MYEOV: variants seen among roughly 807,000 people sequenced by gnomAD.
The protein encoded by MYEOV is myeloma overexpressed, also known as myeloma-overexpressed gene protein.
MYEOV carries 4 observed loss-of-function variants against 4.5 expected under a neutral mutation model. That is an observed-to-expected ratio of 0.89 (90% CI 0.44 to 2.03). The LOEUF is 2.03. Among genes scored for constraint, MYEOV ranks in the 30% most tolerant of loss-of-function variants. The pLI, the probability that MYEOV is intolerant of heterozygous loss-of-function variation, is 0.03. For synonymous variants in MYEOV, 184 were observed against 170.3 expected, an observed-to-expected ratio of 1.08 and a Z score of -0.63; for missense variants, 408 against 412.8, an observed-to-expected ratio of 0.99 and a Z score of 0.10.
chr11:69,296,512 C>A lies in MYEOV; in HGVS notation c.*120C>A. 2 of 664,874 alleles carry A rather than the reference C, an allele frequency of 3.0e-6. No homozygotes were observed. The highest frequency in any genetic ancestry group is 3.2e-4 in the Middle Eastern group (1 of 3,158). 41.2% of individuals were successfully genotyped at this position (664,874 alleles called of 1,614,324 possible). ...ATGAGGAAACTGAGGCCTAGAGAAG[C>A]TCAACAAGTTGCCTAAGTTCCAAGT... On this transcript the variant is annotated 3_prime_UTR_variant, in exon 3 of 3. Transcript: ENST00000441339.
In MYEOV at chr11:69,295,685, C is replaced by A; in HGVS notation, c.235C>A (p.Arg79Ser). 1 of 1,614,152 alleles carries A rather than the reference C, an allele frequency of 6.2e-7. No homozygotes were observed. The highest frequency in any genetic ancestry group is 8.5e-7 in the Non-Finnish European group (1 of 1,180,034). The change falls in exon 3 of 3, where the codon CGC (arginine) becomes AGC (serine). Residue 79 changes from arginine to serine, a missense_variant. Physicochemically the swap from Arg to Ser is moderately radical, Grantham distance 110. Transcript: ENST00000441339. This position sits in a 1 kb window ranked among gnomAD's most constrained non-coding sequence, Gnocchi z 4.1. ...EGSKAGRSRGRLCLSQALRVA... is the reference protein window; with the variant it reads ...EGSKAGRSRGSLCLSQALRVA... ...CTCCAAAGCCGGCAGATCCCGGGGC[C>A]GCCTCTGTCTCTCCCAGGCCCTGCG... is the stretch of plus-strand genomic sequence containing the variant.
chr11:69,294,163 C>A lies in MYEOV; in HGVS notation c.-536C>A, dbSNP rs1393619807. On this transcript the variant is annotated 5_prime_UTR_variant, in exon 1 of 3. Coordinates refer to ENST00000441339, the MANE Select transcript of MYEOV (RefSeq NM_001293291.2). The stretch of plus-strand genomic sequence containing the variant: ...CTTGCCTTGATTCTCCTGTTACTGT[C>A]CCGCGAACCCACATCCCTACAAAGC... 1 of 144,452 alleles carries A rather than the reference C, an allele frequency of 6.9e-6. No individual in the cohort carries two copies. The highest frequency in any genetic ancestry group is 1.5e-5 in the Non-Finnish European group (1 of 65,304). 8.9% of individuals were successfully genotyped at this position (144,452 alleles called of 1,614,324 possible).
rs1392934605 is a variant in MYEOV, at chr11:69,295,758, C to G, written c.308C>G (p.Ala103Gly). ...AFVSLWFAAG[A>G]GDRERNKGDK... ...GTGTCTCTGTGGTTTGCTGCTGGAG[C>G]TGGTGACCGGGAGAGAAACAAGGGA... The change falls in exon 3 of 3, where the codon GCT (alanine) becomes GGT (glycine). Residue 103 changes from alanine (A) to glycine (G), a missense_variant. Ala to Gly is a moderately conservative substitution (Grantham distance 60). Transcript: ENST00000441339. This position sits in a 1 kb window ranked among gnomAD's most constrained non-coding sequence, Gnocchi z 4.1. 6 of 1,614,124 alleles carry G rather than the reference C, an allele frequency of 3.7e-6. No individual in the cohort carries two copies. The highest frequency in any genetic ancestry group is 3.3e-5 in the South Asian group (3 of 91,066).
At position 69,295,255 on chromosome 11, in the gene MYEOV, T is replaced by C. The variant is rs1352281044; in HGVS notation, c.-100T>C. ...CAGAGTCCATTCAGGAGCAGGAAAG[T>C]TCATCTCAGACCCTAAATCCAGCCA... is the stretch of plus-strand genomic sequence containing the variant. On this transcript the variant is annotated 5_prime_UTR_variant, in exon 2 of 3. Transcript: ENST00000441339. The surrounding 1 kb of genome is among the most constrained non-coding windows in gnomAD (Gnocchi z 4.1). 2 of 1,477,284 alleles carry C rather than the reference T, an allele frequency of 1.4e-6. No homozygotes were observed. Among genetic ancestry groups the C allele is most frequent in the African/African-American group, 2.8e-5 (2 of 71,196 alleles). 91.5% of individuals were successfully genotyped at this position (1,477,284 alleles called of 1,614,324 possible).
chr11:69,296,192 T>A lies in MYEOV; in HGVS notation c.742T>A (p.Ser248Thr), dbSNP rs1408247504. Residue 248 changes from serine (S) to threonine (T), a missense_variant, in exon 3 of 3, where the codon TCC becomes ACC. Ser to Thr is a moderately conservative substitution (Grantham distance 58). Transcript: ENST00000441339. ...CCACCGGCACCCCACCCCTCACTGC[T>A]CCACCTGGGGCCTGCCTCTGCGGGT... is the stretch of plus-strand genomic sequence containing the variant. ...TLHRHPTPHCSTWGLPLRVAG... is the reference protein window; with the variant it reads ...TLHRHPTPHCTTWGLPLRVAG... 1 of 1,613,458 alleles carries A rather than the reference T, an allele frequency of 6.2e-7. No homozygotes were observed. Among genetic ancestry groups the A allele is most frequent in the South Asian group, 1.1e-5 (1 of 91,014 alleles).
rs757103824 is a variant in MYEOV at position 69,295,511 on chromosome 11, T to C, written c.141+16T>C. 6.2e-7 allele frequency: 1 copy of C among 1,614,056 alleles called. No individual in the cohort carries two copies. Among genetic ancestry groups the C allele is most frequent in the Non-Finnish European group, 8.5e-7 (1 of 1,179,944 alleles). ...CCTCCACCAGGTGCCGACACTTCCC[T>C]GACCCCAGTAACCTCTTCTCTTGGG... is the stretch of plus-strand genomic sequence containing the variant. On this transcript the variant is annotated intron_variant, in intron 2 of 2. Coordinates refer to ENST00000441339, the MANE Select transcript of MYEOV (RefSeq NM_001293291.2). The surrounding 1 kb of genome is among the most constrained non-coding windows in gnomAD (Gnocchi z 4.1).
rs375670182 is a variant in MYEOV, at chr11:69,295,469, T to C, written c.115T>C (p.Ser39Pro). ...PSWCHCLRGV[S>P]FLTFHLHQSV... ...CTGGTGTCATTGTCTCCGTGGTGTG[T>C]CCTTCCTGACCTTCCACCTCCACCA... Residue 39 changes from serine to proline, a missense_variant, in exon 2 of 3, where the codon TCC becomes CCC. By Grantham distance (74) the Ser-to-Pro change is moderately conservative. Transcript: ENST00000441339. This position sits in a 1 kb window ranked among gnomAD's most constrained non-coding sequence, Gnocchi z 4.1. The C allele has an allele frequency of 2.5e-6, 4 of 1,614,176 alleles. No homozygotes were observed. The highest frequency in any genetic ancestry group is 3.4e-6 in the Non-Finnish European group (4 of 1,180,020).
Position 69,295,556 on chromosome 11 carries a change from G to A in MYEOV, c.142-36G>A, listed in dbSNP as rs1855159053. The A allele has an allele frequency of 6.2e-7, 1 of 1,612,584 alleles. No individual in the cohort carries two copies. The highest frequency in any genetic ancestry group is 8.5e-7 in the Non-Finnish European group (1 of 1,179,084). ...CTTGGGTGGGTGAATGCCACCTGCT[G>A]ATGTCTGATTTATTCATCGGTTTTC... On this transcript the variant is annotated intron_variant, in intron 2 of 2. Coordinates refer to ENST00000441339, the MANE Select transcript of MYEOV (RefSeq NM_001293291.2). This position sits in a 1 kb window ranked among gnomAD's most constrained non-coding sequence, Gnocchi z 4.1.
At position 69,295,845 on chromosome 11, in the gene MYEOV, G is replaced by A. The variant is rs758378495; in HGVS notation, c.395G>A (p.Arg132Gln). 4.8e-5 allele frequency: 78 copies of A among 1,614,040 alleles called. No homozygotes were observed. The highest frequency in any genetic ancestry group is 6.1e-5 in the Non-Finnish European group (72 of 1,180,036). The stretch of plus-strand genomic sequence containing the variant: ...GAGGCAGAAGACGTGGACGTGTCCC[G>A]GGCCAGGAGGGTCACAGATGCACCA... ...SQEAEDVDVS[R>Q]ARRVTDAPQG... Residue 132 changes from arginine to glutamine, a missense_variant, in exon 3 of 3, where the codon CGG (arginine) becomes CAG (glutamine). By Grantham distance (43) the Arg-to-Gln change is conservative. Coordinates refer to ENST00000441339, the MANE Select transcript of MYEOV (RefSeq NM_001293291.2). This position sits in a 1 kb window ranked among gnomAD's most constrained non-coding sequence, Gnocchi z 4.1.
In MYEOV at chr11:69,296,242, G is replaced by A; in HGVS notation, c.792G>A (p.Val264=). The change falls in exon 3 of 3, where the codon GTG becomes GTA. Residue 264 remains valine (V), a synonymous_variant. Coordinates refer to ENST00000441339, the MANE Select transcript of MYEOV (RefSeq NM_001293291.2). ...LRVAGSWLTV[V]TVEALGGWRM... is the part of the protein sequence containing the mutation. Reference sequence around the variant, plus strand: ...TGGCTGGGTCCTGGCTGACTGTTGTGACTGTTGAGGCCCTGGGGGGGTGGC... The same window carrying A: ...TGGCTGGGTCCTGGCTGACTGTTGTAACTGTTGAGGCCCTGGGGGGGTGGC... The A allele has an allele frequency of 6.2e-7, 1 of 1,602,474 alleles. No individual in the cohort carries two copies. The highest frequency in any genetic ancestry group is 1.3e-5 in the African/African-American group (1 of 74,910).
chr11:69,294,352 C>T lies in MYEOV; in HGVS notation c.-347C>T, dbSNP rs1285924551. The stretch of plus-strand genomic sequence containing the variant: ...CTTTCACCAGCCATATTAGCTCCCA[C>T]TCACCCCCCGTCGTGGAAGCCTCGG... On this transcript the variant is annotated 5_prime_UTR_variant, in exon 1 of 3. Coordinates refer to ENST00000441339, the MANE Select transcript of MYEOV (RefSeq NM_001293291.2). 1 of 152,304 alleles carries T rather than the reference C, an allele frequency of 6.6e-6. No individual in the cohort carries two copies. Among genetic ancestry groups the T allele is most frequent in the East Asian group, 1.9e-4 (1 of 5,170 alleles). The allele number at this position is 152,304 out of a possible 1,614,324, so 9.4% of individuals were successfully genotyped here. A position where few individuals can be genotyped will look rare whatever the true frequency, so the allele number is the denominator to read the frequency against.
Position 69,296,300 on chromosome 11 carries a change from C to A in MYEOV, c.850C>A (p.Pro284Thr), listed in dbSNP as rs12274095. Residue 284 changes from proline (P) to threonine (T), a missense_variant, in exon 3 of 3, where the codon CCC (proline) becomes ACC (threonine). Pro to Thr is a conservative substitution (Grantham distance 38, BLOSUM62 -1). Transcript: ENST00000441339. ...MGVRRTGQVG[P>T]TMHPPPVSGA... ...AGTTAGGAGGACTGGCCAGGTGGGG[C>A]CCACTATGCACCCACCCCCAGTGTC... The A allele has an allele frequency of 0.057, 88,840 of 1,546,102 alleles. 3,055 individuals carry two copies. Among genetic ancestry groups the A allele is most frequent in the Middle Eastern group, 0.14 (789 of 5,686 alleles).
In MYEOV at chr11:69,295,538, G is replaced by A. The variant is rs1855158557; in HGVS notation, c.141+43G>A. 6.2e-7 allele frequency: 1 copy of A among 1,613,130 alleles called. No individual in the cohort carries two copies. Among genetic ancestry groups the A allele is most frequent in the African/African-American group, 1.3e-5 (1 of 75,006 alleles). ...ACCCCAGTAACCTCTTCTCTTGGGTGGGTGAATGCCACCTGCTGATGTCTG... is the reference window on the plus strand; with the variant it reads ...ACCCCAGTAACCTCTTCTCTTGGGTAGGTGAATGCCACCTGCTGATGTCTG... On this transcript the variant is annotated intron_variant, in intron 2 of 2. Coordinates refer to ENST00000441339, the MANE Select transcript of MYEOV (RefSeq NM_001293291.2). The surrounding 1 kb of genome is among the most constrained non-coding windows in gnomAD (Gnocchi z 4.1).
At position 69,296,557 on chromosome 11, in the gene MYEOV, A is replaced by C. The variant is rs1590822172; in HGVS notation, c.*165A>C. ...CCAAGTTTCCTCTCCCAACTCTCCTACCCTCTCCTCTTCCTTCTCCTTTCT... is the reference window on the plus strand; with the variant it reads ...CCAAGTTTCCTCTCCCAACTCTCCTCCCCTCTCCTCTTCCTTCTCCTTTCT... On this transcript the variant is annotated 3_prime_UTR_variant, in exon 3 of 3. Coordinates refer to ENST00000441339, the MANE Select transcript of MYEOV (RefSeq NM_001293291.2). 4.0e-6 allele frequency: 2 copies of C among 499,422 alleles called. No homozygotes were observed. The highest frequency in any genetic ancestry group is 4.1e-5 in the South Asian group (1 of 24,404). The allele number at this position is 499,422 out of a possible 1,614,324, so 30.9% of individuals were successfully genotyped here.
In MYEOV at chr11:69,295,521, A is replaced by G; in HGVS notation, c.141+26A>G. The G allele has an allele frequency of 6.2e-7, 1 of 1,613,754 alleles. No individual in the cohort carries two copies. Among genetic ancestry groups the G allele is most frequent in the South Asian group, 1.1e-5 (1 of 91,040 alleles). On this transcript the variant is annotated intron_variant, in intron 2 of 2. Transcript: ENST00000441339. This position sits in a 1 kb window ranked among gnomAD's most constrained non-coding sequence, Gnocchi z 4.1. Reference sequence around the variant, plus strand: ...GTGCCGACACTTCCCTGACCCCAGTAACCTCTTCTCTTGGGTGGGTGAATG... The same window carrying G: ...GTGCCGACACTTCCCTGACCCCAGTGACCTCTTCTCTTGGGTGGGTGAATG...
chr11:69,295,776 A>C lies in MYEOV; in HGVS notation c.326A>C (p.Asn109Thr). The C allele has an allele frequency of 6.2e-7, 1 of 1,614,098 alleles. No homozygotes were observed. Among genetic ancestry groups the C allele is most frequent in the Non-Finnish European group, 8.5e-7 (1 of 1,180,010 alleles). ...FAAGAGDRER[N>T]KGDKGAQTGA... ...GCTGGAGCTGGTGACCGGGAGAGAA[A>C]CAAGGGAGACAAGGGTGCCCAGACA... The change falls in exon 3 of 3, where the codon AAC becomes ACC. Residue 109 changes from asparagine to threonine, a missense_variant. Coordinates refer to ENST00000441339, the MANE Select transcript of MYEOV (RefSeq NM_001293291.2). This position sits in a 1 kb window ranked among gnomAD's most constrained non-coding sequence, Gnocchi z 4.1.
chr11:69,295,926 T>C lies in MYEOV; in HGVS notation c.476T>C (p.Val159Ala), dbSNP rs7103126. The C allele has an allele frequency of 0.22, 356,401 of 1,613,900 alleles. 54,635 individuals are homozygous for C. Among genetic ancestry groups the C allele is most frequent in the African/African-American group, 0.75 (56,414 of 74,926 alleles). ...AATTCTGGGAGTCAGTCTGCAAGGG[T>C]GGTGGGCGTTGCTCACCTGGGAGAA... The part of the protein sequence containing the change: ...NRNSGSQSAR[V>A]VGVAHLGEAF... Residue 159 changes from valine (V) to alanine (A), a missense_variant, in exon 3 of 3, where the codon GTG becomes GCG. Coordinates refer to ENST00000441339, the MANE Select transcript of MYEOV (RefSeq NM_001293291.2). This position sits in a 1 kb window ranked among gnomAD's most constrained non-coding sequence, Gnocchi z 4.1.
rs1855145220 is a variant in MYEOV at position 69,295,162 on chromosome 11, C to T, written c.-122-71C>T. 2.1e-6 allele frequency: 2 copies of T among 933,264 alleles called. No homozygotes were observed. Among genetic ancestry groups the T allele is most frequent in the Admixed American group, 3.0e-5 (1 of 33,244 alleles). The allele number at this position is 933,264 out of a possible 1,614,324, so 57.8% of individuals were successfully genotyped here. On this transcript the variant is annotated intron_variant, in intron 1 of 2. Coordinates refer to ENST00000441339, the MANE Select transcript of MYEOV (RefSeq NM_001293291.2). This position sits in a 1 kb window ranked among gnomAD's most constrained non-coding sequence, Gnocchi z 4.1. The stretch of plus-strand genomic sequence containing the variant: ...AGGCACAGAGCGGCGGCCTCTCATC[C>T]TCCCCATGGTCAAGGAGGTCAGTGC...
chr11:69,296,447 T>C lies in MYEOV; in HGVS notation c.*55T>C. 2 of 1,163,966 alleles carry C rather than the reference T, an allele frequency of 1.7e-6. No individual in the cohort carries two copies. The highest frequency in any genetic ancestry group is 2.4e-6 in the Non-Finnish European group (2 of 842,594). The allele number at this position is 1,163,966 out of a possible 1,614,324, so 72.1% of individuals were successfully genotyped here. A position where few individuals can be genotyped will look rare whatever the true frequency, so the allele number is the denominator to read the frequency against. On this transcript the variant is annotated 3_prime_UTR_variant, in exon 3 of 3. Transcript: ENST00000441339. Reference sequence around the variant, plus strand: ...GCCCAGCCTCATTTAATCCTCAGAATGACTCCATGAGGTAGCTACTAAAAC... The same window carrying C: ...GCCCAGCCTCATTTAATCCTCAGAACGACTCCATGAGGTAGCTACTAAAAC...
Sources: gnomAD v4.1 joint callset for allele counts on GRCh38, gnomAD v4.1.1 for gene constraint, Gnocchi (gnomAD v3.1) non-coding constraint, MANE v1.5 for transcripts, NCBI Gene and HGNC (gene_info 2026-07-23, HGNC 2026-07-21) for gene names.